TNKS: variants seen among roughly 807,000 people sequenced by gnomAD.
TNKS encodes tankyrase.
A neutral mutation model predicts 135.8 loss-of-function variants in TNKS; 72 were observed. The ratio of observed to expected loss-of-function variants is 0.53; its 90% CI spans 0.44 to 0.64. The LOEUF (loss-of-function observed/expected upper bound fraction) is 0.64. Among genes scored for constraint, TNKS ranks in the 30% least tolerant of loss-of-function variants. TNKS has a pLI of 0.00. For missense variants in TNKS, 1,769 were observed against 1,674.0 expected (o/e 1.06, Z -0.99); for synonymous variants, 849 against 649.3 (o/e 1.31, Z -4.68).
At chr8:9,752,653 C>A (rs1295622853) in intron 20 of TNKS, 27 bp downstream of exon 20, 8 of 1,465,334 alleles carry the variant, frequency 5.5e-6, no homozygotes, top group South Asian at 1.2e-5. Flanking sequence ...ATATTTGAGT[C>A]ATTTAAATTA....
At chr8:9,764,384 A>G (rs569383445) in intron 22 of TNKS, among the ~76,000 whole-genome samples, 4 of 152,268 alleles carry the variant, frequency 2.6e-5, no homozygotes, top group East Asian at 3.9e-4. Flanking sequence ...CGGGCATTTA[A>G]GGAGTTTTTG....
At chr8:9,615,437 T>G in intron 2 of TNKS, 145 bp from the exon 3 acceptor site, 1 of 574,096 alleles carries the variant, frequency 1.7e-6, no homozygotes, top group Non-Finnish European at 2.9e-6. Context: ...CTGCAGTGCT[T>G]TTTTGCTTTT....
chr8:9,625,658 T>G (rs1470890096), intron 3 of TNKS, among the ~76,000 whole-genome samples: 3 of 152,202 alleles, frequency 2.0e-5, no homozygotes, highest in African/African-American at 7.2e-5. Context: ...ACAGACTATT[T>G]AGAGTATGGT....
chr8:9,706,302 T>A, intron 7 of TNKS, 49 bp downstream of exon 7: 1 of 1,339,214 alleles, frequency 7.5e-7, no homozygotes, highest in Non-Finnish European at 1.0e-6. Context: ...TTTTTTTTTC[T>A]TTACCTTGTC....
At chr8:9,559,042 C>T (rs1797207308) in intron 1 of TNKS, among the ~76,000 whole-genome samples, 1 of 152,168 alleles carries the variant, frequency 6.6e-6, no homozygotes. Flanking sequence ...TTAAAAACTG[C>T]AGTTTATTTG....
At chr8:9,636,588 A>G (rs924389896) in intron 3 of TNKS, among the ~76,000 whole-genome samples, 2 of 152,176 alleles carry the variant, frequency 1.3e-5, no homozygotes, top group Non-Finnish European at 2.9e-5. Flanking sequence ...GGGCATTGTT[A>G]TAATTGTTAA....
At position 9,658,369 on chromosome 8, in the gene TNKS, G is replaced by C. The variant is rs867561038; in HGVS notation, c.995-21582G>C. 212 of 1,232,246 alleles carry C rather than the reference G, an allele frequency of 1.7e-4. 1 individual carries two copies. The Middle Eastern group carries it at 7.1e-3, about 41-fold the overall frequency. 76.3% of individuals were successfully genotyped at this position (1,232,246 alleles called of 1,614,324 possible). ...CTCCCAGGCGGCGCTCGCCGGCGCG[G>C]CGGCAAAGACTGAGACAGCTCCGCT... On this transcript the variant is annotated intron_variant, in intron 3 of 26. Coordinates refer to ENST00000310430, the MANE Select transcript of TNKS (RefSeq NM_003747.3).
intron 20 of TNKS, among the ~76,000 whole-genome samples, chr8:9,754,578 A>G (rs938434084): frequency 4.6e-5 from 7 of 152,088 alleles, no homozygotes; most frequent in African/African-American, 1.4e-4. Context: ...AGAACAGCCG[A>G]GTAGGGATAG....
intron 18 of TNKS, among the ~76,000 whole-genome samples, chr8:9,749,495 G>C (rs1165450771): frequency 1.4e-5 from 2 of 138,174 alleles, no homozygotes; most frequent in East Asian, 4.2e-4. Context: ...TCCCCCTTAA[G>C]ACACAGTCTG....
intron 3 of TNKS, among the ~76,000 whole-genome samples, chr8:9,656,374 C>G (rs1801368750): frequency 6.6e-6 from 1 of 152,094 alleles, no homozygotes. Flanking sequence ...CATTCAAATT[C>G]AGGAAATACA....
chr8:9,616,423 C>T (rs1455460538), intron 3 of TNKS, among the ~76,000 whole-genome samples: 2 of 152,144 alleles, frequency 1.3e-5, no homozygotes, highest in Non-Finnish European at 2.9e-5. Context: ...CCCTCTTTTA[C>T]TTAACTGACC....
chr8:9,729,864 C>T (rs1484409299), intron 13 of TNKS, among the ~76,000 whole-genome samples: 1 of 149,342 alleles, frequency 6.7e-6, no homozygotes, highest in Non-Finnish European at 1.5e-5. Context: ...ACCTCTGCCT[C>T]CTGGGTTCAA....
At chr8:9,763,293 T>C in intron 22 of TNKS, 49 bp downstream of exon 22, 3 of 1,309,110 alleles carry the variant, frequency 2.3e-6, no homozygotes, top group Non-Finnish European at 3.2e-6. Context: ...AATCTGTGGA[T>C]AAACCTCTTT....
intron 1 of TNKS, chr8:9,556,864 G>A: frequency 5.2e-6 from 3 of 580,566 alleles, no homozygotes; most frequent in South Asian, 4.5e-5. Context: ...ACTGTAGTTG[G>A]TAGTCTCTGC....
At chr8:9,629,682 G>T (rs570201255) in intron 3 of TNKS, among the ~76,000 whole-genome samples, 101 of 152,162 alleles carry the variant, frequency 6.6e-4, no homozygotes, top group African/African-American at 2.2e-3. Context: ...GGTTTTGTTT[G>T]TTTGCTTGTT....
chr8:9,746,881 C>CTTTTTTTTTTTTTTTTTTTTTT lies in TNKS; in HGVS notation c.2644-1124_2644-1123insTTTTTTTTTTTTTTTTTTTTTT, dbSNP rs10672387. 9.4e-5 allele frequency among the ~76,000 whole-genome samples: 11 copies of CTTTTTTTTTTTTTTTTTTTTTT among 117,186 alleles called. 1 individual carries two copies. Among genetic ancestry groups the CTTTTTTTTTTTTTTTTTTTTTT allele is most frequent in the African/African-American group, 4.0e-4 (11 of 27,536 alleles). 76.9% of individuals were successfully genotyped at this position (117,186 alleles called of 152,430 possible). ...TCTGAGAGTTTCATACCTACTTAAA[C>CTTTTTTTTTTTTTTTTTTTTTT]TTTTTTTTTTTTTTTTTTTGAGACG... On this transcript the variant is annotated intron_variant, in intron 17 of 26. Transcript: ENST00000310430.
intron 26 of TNKS, among the ~76,000 whole-genome samples, chr8:9,772,206 T>TAA (rs1358673908): frequency 2.0e-5 from 3 of 151,416 alleles, no homozygotes; most frequent in South Asian, 2.1e-4. Context: ...ATTGTTTCAC[T>TAA]AAGGAGAAGA....
chr8:9,704,231 A>G (rs1239711553), intron 5 of TNKS, among the ~76,000 whole-genome samples: 1 of 152,206 alleles, frequency 6.6e-6, no homozygotes, highest in Admixed American at 6.5e-5. Context: ...TTTGAGAGCT[A>G]GATCTTTAGA....
Position 9,585,497 on chromosome 8 carries a change from C to T in TNKS, c.898+5114C>T, listed in dbSNP as rs562701621. Among the ~76,000 whole-genome samples, 6 of 152,194 alleles carry T rather than the reference C, an allele frequency of 3.9e-5. No homozygotes were observed. In the South Asian group the frequency reaches 1.0e-3, roughly 26 times the overall value. On this transcript the variant is annotated intron_variant, in intron 2 of 26. Transcript: ENST00000310430. ...GATAAACTGAGTAAGATGTATATTG[C>T]ACTTTTCCAGAAAGAAGGAATAAGT...
Sources: allele counts gnomAD v4.1 joint callset (sites outside exome capture counted in the v4.1 genomes callset), GRCh38; gene constraint gnomAD v4.1.1; transcripts MANE v1.5; gene names NCBI Gene and HGNC (gene_info 2026-07-23, HGNC 2026-07-21).